SLC16A10: variants seen among roughly 807,000 people sequenced by gnomAD.
SLC16A10 encodes monocarboxylate transporter 10.
A neutral mutation model predicts 40.0 loss-of-function variants in SLC16A10; 27 were observed. That is an observed-to-expected ratio of 0.67 (90% CI 0.50 to 0.93). The LOEUF is 0.93. Ranked by LOEUF, SLC16A10 falls within the 40% of genes least tolerant of loss-of-function variation. The pLI is 0.00. For synonymous variants in SLC16A10, 213 were observed against 249.8 expected (o/e 0.85, Z 1.39); for missense variants, 529 against 658.2 (o/e 0.80, Z 2.15).
chr6:111,202,652 G>A (rs1773187774), intron 3 of SLC16A10, among the ~76,000 whole-genome samples: 1 of 151,962 alleles, frequency 6.6e-6, no homozygotes. Context: ...ACCTTGGGAG[G>A]CTGAGGCAAG....
At chr6:111,123,864 T>C (rs1771624811) in intron 1 of SLC16A10, among the ~76,000 whole-genome samples, 1 of 152,214 alleles carries the variant, frequency 6.6e-6, no homozygotes, top group Non-Finnish European at 1.5e-5. Flanking sequence ...GTTTGTGTTA[T>C]GTTACCATCT....
At position 111,110,047 on chromosome 6, in the gene SLC16A10, G is replaced by A. The variant is rs182879371; in HGVS notation, c.343+21952G>A. 1.6e-3 allele frequency among the ~76,000 whole-genome samples: 237 copies of A among 152,200 alleles called. 2 individuals are homozygous for A. The highest frequency in any genetic ancestry group is 5.3e-3 in the African/African-American group (220 of 41,532). ...GACTCTGGAGAGTTACAGGGCTTTG[G>A]TTTAGAGGATTGGATGAATAGTGGT... On this transcript the variant is annotated intron_variant, in intron 1 of 5. Transcript: ENST00000368851.
At chr6:111,204,749 A>G (rs2114581629) in intron 3 of SLC16A10, among the ~76,000 whole-genome samples, 1 of 152,300 alleles carries the variant, frequency 6.6e-6, no homozygotes, top group East Asian at 1.9e-4. Flanking sequence ...AGGTGCCAAC[A>G]TTTCCACACA....
At chr6:111,107,154 GA>G in intron 1 of SLC16A10, among the ~76,000 whole-genome samples, 1 of 151,918 alleles carries the variant, frequency 6.6e-6, no homozygotes, top group Non-Finnish European at 1.5e-5. Flanking sequence ...AAAGTTCATG[GA>G]AAAAATGTAC....
intron 1 of SLC16A10, among the ~76,000 whole-genome samples, chr6:111,100,978 CTCTCTCTCTCTCTCTATATA>C (rs1484275995): frequency 7.3e-5 from 9 of 123,412 alleles, no homozygotes; most frequent in African/African-American, 2.3e-4. Context: ...CTCTCTCTCT[CTCTCTCTCTCTCTCTATATA>C]TATATATATA....
chr6:111,160,959 G>A (rs146609003), intron 1 of SLC16A10, among the ~76,000 whole-genome samples: 63 of 152,050 alleles, frequency 4.1e-4, no homozygotes, highest in African/African-American at 1.0e-3. Context: ...ATGGTGGCTC[G>A]TGCCTGTAAT....
intron 1 of SLC16A10, among the ~76,000 whole-genome samples, chr6:111,148,513 TTCA>T (rs771891033): frequency 2.0e-5 from 3 of 152,236 alleles, no homozygotes; most frequent in Non-Finnish European, 2.9e-5. Flanking sequence ...AGGCATTTGA[TTCA>T]TCAAGATAGA....
chr6:111,156,915 G>GTATTT lies in SLC16A10; in HGVS notation c.344-15763_344-15759dup, dbSNP rs547961253. 1.5e-3 allele frequency among the ~76,000 whole-genome samples: 225 copies of GTATTT among 152,198 alleles called. 1 individual carries two copies. The highest frequency in any genetic ancestry group is 5.1e-3 in the African/African-American group (213 of 41,534). ...TCTGAAACTATTCTAAAATGAAAGT[G>GTATTT]TATTTTATTTTATTTTATTTTGAGA... On this transcript the variant is annotated intron_variant, in intron 1 of 5. Coordinates refer to ENST00000368851, the MANE Select transcript of SLC16A10 (RefSeq NM_018593.5).
chr6:111,202,382 G>A (rs1188526145), intron 3 of SLC16A10, among the ~76,000 whole-genome samples: 1 of 152,146 alleles, frequency 6.6e-6, no homozygotes, highest in Non-Finnish European at 1.5e-5. Context: ...GGAGGCTGAG[G>A]TAGGAGGATT....
intron 5 of SLC16A10, among the ~76,000 whole-genome samples, chr6:111,221,538 G>C (rs1433632754): frequency 6.6e-6 from 1 of 152,048 alleles, no homozygotes; most frequent in African/African-American, 2.4e-5. Flanking sequence ...TTTAGCCTAG[G>C]AGCTTGAGAC....
At position 111,222,472 on chromosome 6, in the gene SLC16A10, A is replaced by G. The variant is rs1770918857; in HGVS notation, c.*237A>G. ...ATATGAAAACGTCTGAAAGTCACAT[A>G]TTGTGAAAATTTGAAGCTATCTCAG... is the stretch of plus-strand genomic sequence containing the variant. On this transcript the variant is annotated 3_prime_UTR_variant, in exon 6 of 6. Coordinates refer to ENST00000368851, the MANE Select transcript of SLC16A10 (RefSeq NM_018593.5). 1 of 407,636 alleles carries G rather than the reference A, an allele frequency of 2.5e-6. No individual in the cohort carries two copies. Among genetic ancestry groups the G allele is most frequent in the African/African-American group, 2.1e-5 (1 of 46,968 alleles). The allele number at this position is 407,636 out of a possible 1,614,324, so 25.3% of individuals were successfully genotyped here.
chr6:111,202,645 T>G (rs1773187640), intron 3 of SLC16A10, among the ~76,000 whole-genome samples: 1 of 151,826 alleles, frequency 6.6e-6, no homozygotes, highest in Non-Finnish European at 1.5e-5. Flanking sequence ...TCCCAGCACC[T>G]TGGGAGGCTG....
At chr6:111,218,254 T>G (rs76052584) in intron 4 of SLC16A10, among the ~76,000 whole-genome samples, 4,817 of 152,108 alleles carry the variant, frequency 0.032, 238 homozygotes, top group African/African-American at 0.11. Flanking sequence ...CTTCAAGGGA[T>G]TTGCAGGCTG....
intron 1 of SLC16A10, among the ~76,000 whole-genome samples, chr6:111,169,671 T>A (rs1416986975): frequency 2.0e-5 from 3 of 152,252 alleles, no homozygotes; most frequent in African/African-American, 7.2e-5. Flanking sequence ...AGCCTTTCTT[T>A]AACATTGACC....
intron 4 of SLC16A10, among the ~76,000 whole-genome samples, chr6:111,214,890 C>T (rs1181611695): frequency 6.6e-6 from 1 of 152,056 alleles, no homozygotes; most frequent in Non-Finnish European, 1.5e-5. Context: ...GAGGCCGAGG[C>T]AGGCAGATCA....
intron 1 of SLC16A10, among the ~76,000 whole-genome samples, chr6:111,165,423 T>G (rs1485787251): frequency 6.6e-6 from 1 of 152,122 alleles, no homozygotes; most frequent in Non-Finnish European, 1.5e-5. Flanking sequence ...CTTTTTCCAG[T>G]GAAACAAGAT....
chr6:111,158,202 A>G (rs953118662), intron 1 of SLC16A10, among the ~76,000 whole-genome samples: 2 of 151,910 alleles, frequency 1.3e-5, no homozygotes, highest in Non-Finnish European at 2.9e-5. Flanking sequence ...TAATGAAAAG[A>G]GTTTGAAATT....
intron 3 of SLC16A10, among the ~76,000 whole-genome samples, chr6:111,198,132 C>A (rs1385713221): frequency 2.6e-5 from 4 of 152,040 alleles, no homozygotes; most frequent in African/African-American, 9.7e-5. Context: ...ACTAAAAATA[C>A]AAAAACTAGC....
rs1773002682 is a variant in SLC16A10 at position 111,192,018 on chromosome 6, TA to T, written c.942+14355del. 1.1e-4 allele frequency among the ~76,000 whole-genome samples: 16 copies of T among 152,336 alleles called. 2 individuals are homozygous for T. In the South Asian group the frequency reaches 3.3e-3, roughly 32 times the overall value. The stretch of plus-strand genomic sequence containing the variant: ...TTTGCTGTGCAGAAGCGCTTTAGTT[TA>T]ATTAGATCCAATTTGTCAATTTTGG... On this transcript the variant is annotated intron_variant, in intron 3 of 5. Transcript: ENST00000368851.
Sources: gnomAD v4.1 joint callset for allele counts (sites outside exome capture counted in the v4.1 genomes callset) on GRCh38, gnomAD v4.1.1 for gene constraint, MANE v1.5 for transcripts, NCBI Gene and HGNC (gene_info 2026-07-23, HGNC 2026-07-21) for gene names.